LMNTD1: variants seen among roughly 807,000 people sequenced by gnomAD.
LMNTD1 encodes lamin tail domain-containing protein 1.
Under a neutral mutation model 50.9 loss-of-function variants are expected in LMNTD1, and 35 were observed. The observed-to-expected ratio is 0.69, with a 90% CI of 0.53 to 0.91. LMNTD1 has a LOEUF of 0.91. Ranked by LOEUF, LMNTD1 falls within the 40% of genes least tolerant of loss-of-function variation. The pLI is 0.00. For missense variants in LMNTD1, 470 were observed against 475.5 expected (o/e 0.99, Z 0.11); for synonymous variants, 153 against 161.9 (o/e 0.94, Z 0.42).
intron 1 of LMNTD1, among the ~76,000 whole-genome samples, chr12:25,630,075 G>A (rs571055098): frequency 2.6e-5 from 4 of 152,122 alleles, no homozygotes; most frequent in Admixed American, 2.0e-4. Context: ...GCCACTTTTG[G>A]GGGGAGGAGA....
intron 9 of LMNTD1, among the ~76,000 whole-genome samples, chr12:25,493,765 G>C (rs1249340067): frequency 2.0e-5 from 3 of 152,216 alleles, no homozygotes; most frequent in African/African-American, 7.2e-5. Context: ...CTTCTACAGA[G>C]AGGTGAGTTC....
chr12:25,569,694 A>T (rs192556957), intron 1 of LMNTD1, among the ~76,000 whole-genome samples: 184 of 152,272 alleles, frequency 1.2e-3, no homozygotes, highest in African/African-American at 4.3e-3. Flanking sequence ...GTTAGTTCAC[A>T]TGATATCTGG....
intron 6 of LMNTD1, among the ~76,000 whole-genome samples, chr12:25,522,905 T>A (rs1941428491): frequency 6.6e-6 from 1 of 152,210 alleles, no homozygotes; most frequent in Non-Finnish European, 1.5e-5. Flanking sequence ...TAAAAGCCAC[T>A]TTTATATTAA....
intron 1 of LMNTD1, among the ~76,000 whole-genome samples, chr12:25,594,631 G>A (rs112320267): frequency 0.043 from 5,024 of 115,644 alleles, 318 homozygotes; most frequent in African/African-American, 0.15. Flanking sequence ...AAATCTCACA[G>A]GACCTATAAA....
chr12:25,534,952 A>G (rs2136142239), intron 4 of LMNTD1, among the ~76,000 whole-genome samples: 1 of 152,344 alleles, frequency 6.6e-6, no homozygotes. Flanking sequence ...AAATACAAAA[A>G]TATTCTAGCC....
At chr12:25,619,242 CTCTCTCTCTCTATATATA>C (rs1343900587) in intron 1 of LMNTD1, among the ~76,000 whole-genome samples, 3 of 70,982 alleles carry the variant, frequency 4.2e-5, no homozygotes, top group Admixed American at 2.9e-4. Flanking sequence ...CTCTCTCTCT[CTCTCTCTCTCTATATATA>C]TATATATATA....
intron 1 of LMNTD1, among the ~76,000 whole-genome samples, chr12:25,570,138 T>C (rs1944726387): frequency 6.6e-6 from 1 of 152,190 alleles, no homozygotes; most frequent in African/African-American, 2.4e-5. Context: ...AGCGCCATCG[T>C]TTACAAGGCA....
At chr12:25,640,742 A>G (rs7976863) in intron 1 of LMNTD1, among the ~76,000 whole-genome samples, 93,162 of 151,304 alleles carry the variant, frequency 0.62, 29,066 homozygotes, top group Non-Finnish European at 0.68. Flanking sequence ...AGCTCACTAC[A>G]AGCTCCACCT....
chr12:25,489,202 C>T (rs1038947233), intron 9 of LMNTD1, among the ~76,000 whole-genome samples: 12 of 151,828 alleles, frequency 7.9e-5, no homozygotes, highest in African/African-American at 1.9e-4. Context: ...CAAGCCTGGG[C>T]AATGGCGGGC....
chr12:25,617,795 T>C (rs1213280463), intron 1 of LMNTD1, among the ~76,000 whole-genome samples: 1 of 152,212 alleles, frequency 6.6e-6, no homozygotes, highest in Non-Finnish European at 1.5e-5. Context: ...TCTTGATTGA[T>C]GGTGTGTGAG....
At chr12:25,621,478 A>G (rs2136565404) in intron 1 of LMNTD1, among the ~76,000 whole-genome samples, 1 of 152,382 alleles carries the variant, frequency 6.6e-6, no homozygotes, top group Non-Finnish European at 1.5e-5. Flanking sequence ...AATATGATAT[A>G]CGTTTAACTT....
chr12:25,595,790 A>C (rs1006823528), intron 1 of LMNTD1, among the ~76,000 whole-genome samples: 2 of 152,166 alleles, frequency 1.3e-5, no homozygotes. Context: ...AAGATAAATG[A>C]AACAAAAAGC....
chr12:25,490,047 C>A (rs1938833176), intron 9 of LMNTD1, among the ~76,000 whole-genome samples: 1 of 152,240 alleles, frequency 6.6e-6, no homozygotes, highest in South Asian at 2.1e-4. Flanking sequence ...TCCTTTCTAA[C>A]TCTCTGCTTC....
chr12:25,571,337 A>ATTTT (rs1276398536), intron 1 of LMNTD1, among the ~76,000 whole-genome samples: 7 of 130,570 alleles, frequency 5.4e-5, no homozygotes, highest in African/African-American at 2.0e-4. Context: ...TCAAAAAAGT[A>ATTTT]TTTTTATTTA....
chr12:25,589,497 C>T (rs1945634650), intron 1 of LMNTD1, among the ~76,000 whole-genome samples: 1 of 152,168 alleles, frequency 6.6e-6, no homozygotes, highest in South Asian at 2.1e-4. Flanking sequence ...CAGGTGACTT[C>T]AAGACATAGT....
At chr12:25,584,588 T>C (rs1945443952) in intron 1 of LMNTD1, among the ~76,000 whole-genome samples, 1 of 152,258 alleles carries the variant, frequency 6.6e-6, no homozygotes. Flanking sequence ...GTCTCCCATC[T>C]TGCAAATGTG....
At chr12:25,521,436 C>G (rs1319979775) in intron 6 of LMNTD1, among the ~76,000 whole-genome samples, 1 of 152,088 alleles carries the variant, frequency 6.6e-6, no homozygotes, top group Non-Finnish European at 1.5e-5. Flanking sequence ...AAAAACTGAA[C>G]TATATAATGC....
chr12:25,553,199 C>A lies in LMNTD1; in HGVS notation c.-161G>T. ...CAATCCTGATCTTGGCTAAGGATGT[C>A]GGACAAACCATGGTGCAGGTGTGTA... On this transcript the variant is annotated 5_prime_UTR_variant, in exon 1 of 10. Coordinates refer to ENST00000458174, the MANE Select transcript of LMNTD1 (RefSeq NM_001145728.2). 1 of 1,580,600 alleles carries A rather than the reference C, an allele frequency of 6.3e-7. No homozygotes were observed. The highest frequency in any genetic ancestry group is 1.2e-5 in the South Asian group (1 of 83,602).
intron 1 of LMNTD1, among the ~76,000 whole-genome samples, chr12:25,574,864 T>C (rs1373620449): frequency 6.6e-6 from 1 of 152,146 alleles, no homozygotes; most frequent in East Asian, 1.9e-4. Context: ...TTTGGTACAA[T>C]CTCTACTCAC....
Sources: gnomAD v4.1 joint callset for allele counts (sites outside exome capture counted in the v4.1 genomes callset) on GRCh38, gnomAD v4.1.1 for gene constraint, MANE v1.5 for transcripts, NCBI Gene and HGNC (gene_info 2026-07-23, HGNC 2026-07-21) for gene names.